The following TERB2 variants were observed in gnomAD, a reference collection of about 807,000 sequenced individuals.
TERB2 encodes the protein telomere repeat binding bouquet formation protein 2, also known as telomere repeats-binding bouquet formation protein 2.
A neutral mutation model predicts 29.8 loss-of-function variants in TERB2; 26 were observed. That is an observed-to-expected ratio of 0.87 (90% CI 0.64 to 1.21). The LOEUF (loss-of-function observed/expected upper bound fraction) is 1.21. TERB2 is among the 50% of genes most tolerant of loss of function. TERB2 has a pLI of 0.00. For missense variants in TERB2, 240 were observed against 268.6 expected, an observed-to-expected ratio of 0.89 and a Z score of 0.74; for synonymous variants, 80 against 90.8, an observed-to-expected ratio of 0.88 and a Z score of 0.68.
At chr15:44,974,651 A>T (rs1566947078) in intron 6 of TERB2, among the ~76,000 whole-genome samples, 2 of 152,218 alleles carry the variant, frequency 1.3e-5, no homozygotes, top group Non-Finnish European at 2.9e-5. Flanking sequence ...GGATATTTAG[A>T]TACTTTGATC....
At position 44,974,012 on chromosome 15, in the gene TERB2, G is replaced by T. The variant is rs577573803; in HGVS notation, c.523+57G>T. Reference sequence around the variant, plus strand: ...GGTAGGAAAGAAACAAGGGAATATTGTGTTGAATAAAGCTGTTGTACTTCA... The same window carrying T: ...GGTAGGAAAGAAACAAGGGAATATTTTGTTGAATAAAGCTGTTGTACTTCA... On this transcript the variant is annotated intron_variant, in intron 6 of 6. Transcript: ENST00000340827. The T allele has an allele frequency of 1.2e-5, 17 of 1,388,506 alleles. No homozygotes were observed. In the African/African-American group the frequency reaches 2.3e-4, roughly 19 times the overall value. The allele number at this position is 1,388,506 out of a possible 1,614,324, so 86.0% of individuals were successfully genotyped here.
At chr15:44,973,128 G>C (rs150847905) in intron 5 of TERB2, among the ~76,000 whole-genome samples, 2,526 of 152,190 alleles carry the variant, frequency 0.017, 21 homozygotes, top group Middle Eastern at 0.031. Flanking sequence ...TGATCCACCT[G>C]CCTCGGCCTC....
At chr15:44,967,014 G>A (rs537400452) in intron 5 of TERB2, among the ~76,000 whole-genome samples, 32 of 152,262 alleles carry the variant, frequency 2.1e-4, no homozygotes, top group East Asian at 1.5e-3. Context: ...TGGGAGGATC[G>A]CTTGAGCCCA....
chr15:44,972,063 C>T (rs1284961470), intron 5 of TERB2, among the ~76,000 whole-genome samples: 2 of 138,912 alleles, frequency 1.4e-5, no homozygotes, highest in Non-Finnish European at 1.5e-5. Context: ...GATCTTGGCT[C>T]ACTGCAACCT....
intron 6 of TERB2, among the ~76,000 whole-genome samples, chr15:44,974,473 A>G (rs943284679): frequency 2.6e-5 from 4 of 152,186 alleles, no homozygotes; most frequent in Admixed American, 6.5e-5. Context: ...AGATGCCCAG[A>G]AGCCTATACA....
At chr15:44,965,322 A>AT (rs201457915) in intron 4 of TERB2, among the ~76,000 whole-genome samples, 2,326 of 148,578 alleles carry the variant, frequency 0.016, 49 homozygotes, top group African/African-American at 0.053. Context: ...GTATCTTTAC[A>AT]TATATATCTT....
chr15:44,959,020 C>A (rs1285690237), intron 3 of TERB2, among the ~76,000 whole-genome samples: 1 of 152,084 alleles, frequency 6.6e-6, no homozygotes, highest in African/African-American at 2.4e-5. Context: ...GACCCTGTCT[C>A]TATTTATTTT....
chr15:44,965,053 C>T (rs71478348), intron 4 of TERB2, among the ~76,000 whole-genome samples: 19,816 of 149,524 alleles, frequency 0.13, 1,549 homozygotes, highest in East Asian at 0.33. Context: ...ATCTCAACTA[C>T]TCGAGAGGCT....
At chr15:44,972,887 GTT>G (rs71902044) in intron 5 of TERB2, among the ~76,000 whole-genome samples, 2 of 141,182 alleles carry the variant, frequency 1.4e-5, no homozygotes, top group African/African-American at 2.6e-5. Context: ...AACATCAATT[GTT>G]TTTTTTTTTT....
chr15:44,978,645 T>C lies in TERB2; in HGVS notation c.*17T>C, dbSNP rs779926417. The C allele has an allele frequency of 1.7e-5, 26 of 1,566,088 alleles. No homozygotes were observed. Among genetic ancestry groups the C allele is most frequent in the South Asian group, 7.3e-5 (6 of 82,382 alleles). ...AGGAAATAGTAAATTAAATTGTAAA[T>C]ACCTTGGCATTTATTTTCTATAAAA... On this transcript the variant is annotated 3_prime_UTR_variant, in exon 7 of 7. Coordinates refer to ENST00000340827, the MANE Select transcript of TERB2 (RefSeq NM_152448.3).
intron 4 of TERB2, among the ~76,000 whole-genome samples, chr15:44,964,932 C>T (rs1397465774): frequency 6.6e-6 from 1 of 151,684 alleles, no homozygotes; most frequent in African/African-American, 2.4e-5. Context: ...GAGGCTGGGG[C>T]GGGCCGATTG....
intron 3 of TERB2, among the ~76,000 whole-genome samples, chr15:44,960,537 T>C (rs2141238934): frequency 6.6e-6 from 1 of 152,210 alleles, no homozygotes; most frequent in South Asian, 2.1e-4. Context: ...ATTACATAAT[T>C]GAGTAGAATT....
At chr15:44,961,659 GTTTA>G in intron 4 of TERB2, 75 bp downstream of exon 4, 1 of 1,024,650 alleles carries the variant, frequency 9.8e-7, no homozygotes, top group Middle Eastern at 2.2e-4. Context: ...TCTTTAAAAT[GTTTA>G]TTTGTGACAT....
chr15:44,971,682 G>A (rs953754963), intron 5 of TERB2, among the ~76,000 whole-genome samples: 1 of 151,986 alleles, frequency 6.6e-6, no homozygotes, highest in African/African-American at 2.4e-5. Flanking sequence ...CTGAACCTGG[G>A]AGGCCTGAGC....
intron 1 of TERB2, 48 bp downstream of exon 1, chr15:44,956,830 C>G: frequency 6.2e-7 from 1 of 1,609,484 alleles, no homozygotes; most frequent in South Asian, 1.1e-5. Flanking sequence ...GGGGAGCATC[C>G]TCCTCTCTCT....
At chr15:44,959,737 G>C (rs757530965) in intron 3 of TERB2, among the ~76,000 whole-genome samples, 4 of 152,092 alleles carry the variant, frequency 2.6e-5, no homozygotes, top group African/African-American at 4.8e-5. Context: ...TAGGTGGCAA[G>C]CATATCAATT....
chr15:44,975,524 T>G (rs2141245432), intron 6 of TERB2, among the ~76,000 whole-genome samples: 1 of 152,306 alleles, frequency 6.6e-6, no homozygotes, highest in African/African-American at 2.4e-5. Context: ...GAATTAATTG[T>G]GGTCTTTAGT....
Position 44,978,768 on chromosome 15 carries a change from G to A in TERB2, c.*140G>A, listed in dbSNP as rs539367510. The stretch of plus-strand genomic sequence containing the variant: ...TCTGTTTCTCAAAGTATATCTTTAG[G>A]AAATACAGAATCATTTTGGTTCTGT... On this transcript the variant is annotated 3_prime_UTR_variant, in exon 7 of 7. Coordinates refer to ENST00000340827, the MANE Select transcript of TERB2 (RefSeq NM_152448.3). 7.4e-4 allele frequency: 840 copies of A among 1,130,624 alleles called. 1 individual carries two copies. The highest frequency in any genetic ancestry group is 5.6e-3 in the Middle Eastern group (17 of 3,060). The allele number at this position is 1,130,624 out of a possible 1,614,324, so 70.0% of individuals were successfully genotyped here.
intron 5 of TERB2, among the ~76,000 whole-genome samples, 172 bp downstream of exon 5, chr15:44,966,415 C>A (rs1299320809): frequency 6.6e-6 from 1 of 152,054 alleles, no homozygotes; most frequent in Non-Finnish European, 1.5e-5. Context: ...GCAATTTCCC[C>A]AAAGTCATAC....
Sources: allele counts gnomAD v4.1 joint callset (sites outside exome capture counted in the v4.1 genomes callset), GRCh38; gene constraint gnomAD v4.1.1; transcripts MANE v1.5; gene names NCBI Gene and HGNC (gene_info 2026-07-23, HGNC 2026-07-21).